HEPH: variants seen among roughly 807,000 people sequenced by gnomAD.
The protein encoded by HEPH is hephaestin.
A neutral mutation model predicts 80.8 loss-of-function variants in HEPH; 69 were observed. The observed-to-expected ratio is 0.85, with a 90% CI of 0.70 to 1.04. The LOEUF (loss-of-function observed/expected upper bound fraction) is 1.04. Ranked by LOEUF, HEPH falls within the 50% of genes least tolerant of loss-of-function variation. The pLI is 0.00. For missense variants in HEPH, 1,115 were observed against 891.3 expected, an observed-to-expected ratio of 1.25 and a Z score of -3.20; for synonymous variants, 431 against 322.8, an observed-to-expected ratio of 1.34 and a Z score of -3.60.
rs191285499 is a variant in HEPH at position 66,204,628 on chromosome X, C to T, written c.2291+1051C>T. ...TCCATCTATCACCTCTGTCTATATA[C>T]ATGCTAAAAGGAAAATATGTTACTA... On this transcript the variant is annotated intron_variant, in intron 13 of 20. Transcript: ENST00000343002. Among the ~76,000 whole-genome samples the T allele has an allele frequency of 5.3e-3, 598 of 111,822 alleles. 6 individuals are homozygous for T. Among genetic ancestry groups the T allele is most frequent in the African/African-American group, 0.019 (570 of 30,800 alleles).
chrX:66,208,965 C>T (rs2088965494), intron 15 of HEPH, among the ~76,000 whole-genome samples: 1 of 109,472 alleles, frequency 9.1e-6, no homozygotes, highest in Non-Finnish European at 1.9e-5. Context: ...TACTAAGCTC[C>T]TAATACTAAA....
chrX:66,221,116 C>A (rs2089627144), intron 15 of HEPH, among the ~76,000 whole-genome samples: 1 of 111,438 alleles, frequency 9.0e-6, no homozygotes, highest in Non-Finnish European at 1.9e-5. Flanking sequence ...TGTGCGTGGA[C>A]CAGTCAGCTT....
chrX:66,200,908 C>G (rs757706671), intron 12 of HEPH, among the ~76,000 whole-genome samples, 156 bp downstream of exon 12: 2 of 111,564 alleles, frequency 1.8e-5, no homozygotes, highest in African/African-American at 6.5e-5. Flanking sequence ...TCAATGTGCT[C>G]TCCATGTTCT....
chrX:66,242,117 T>A (rs187013472), intron 15 of HEPH, among the ~76,000 whole-genome samples: 7 of 108,241 alleles, frequency 6.5e-5, no homozygotes, highest in Non-Finnish European at 9.6e-5. Context: ...AACTTTAAAC[T>A]ATACTACAAG....
downstream of HEPH, chrX:66,267,562 G>A (rs1024146928): frequency 9.0e-6 from 1 of 111,394 alleles, no homozygotes; most frequent in Non-Finnish European, 1.9e-5. Flanking sequence ...AAAGAGTGCT[G>A]GGTACCACCC....
chrX:66,215,810 C>A (rs1053156618), intron 15 of HEPH, among the ~76,000 whole-genome samples: 2 of 111,899 alleles, frequency 1.8e-5, no homozygotes, highest in African/African-American at 6.5e-5. Flanking sequence ...AGTTGTCTTG[C>A]TTTCTCAGTT....
At chrX:66,202,326 A>G (rs1362941969) in intron 12 of HEPH, among the ~76,000 whole-genome samples, 3 of 111,900 alleles carry the variant, frequency 2.7e-5, no homozygotes, top group African/African-American at 9.8e-5. Flanking sequence ...GTGGAACTGG[A>G]TTGGTAGTTT....
At chrX:66,231,072 A>T (rs1431471235) in intron 15 of HEPH, among the ~76,000 whole-genome samples, 1 of 109,156 alleles carries the variant, frequency 9.2e-6, no homozygotes, top group Non-Finnish European at 1.9e-5. Context: ...GGTTTGTCAA[A>T]GATCAGATAG....
At chrX:66,207,844 TTATAGA>T (rs1353515030) in intron 14 of HEPH, among the ~76,000 whole-genome samples, 2 of 111,228 alleles carry the variant, frequency 1.8e-5, no homozygotes, top group African/African-American at 6.6e-5. Context: ...CCTTGGGCTG[TTATAGA>T]TAGAGGGTAG....
At chrX:66,221,572 C>A (rs1180663518) in intron 15 of HEPH, among the ~76,000 whole-genome samples, 1 of 112,659 alleles carries the variant, frequency 8.9e-6, no homozygotes, top group Non-Finnish European at 1.9e-5. Flanking sequence ...GAAACCCTGC[C>A]TAGTTGTTTT....
chrX:66,209,395 G>A (rs1233723881), intron 15 of HEPH, among the ~76,000 whole-genome samples: 2 of 111,990 alleles, frequency 1.8e-5, no homozygotes, highest in Non-Finnish European at 3.8e-5. Context: ...GTAGGTGTGT[G>A]ATGGAGCTCA....
chrX:66,200,818 G>T, intron 12 of HEPH, 66 bp downstream of exon 12: 1 of 892,573 alleles, frequency 1.1e-6, no homozygotes, highest in Non-Finnish European at 1.6e-6. Flanking sequence ...GGGTCGGGAA[G>T]AGGGAGGGAT....
At chrX:66,222,664 A>T (rs1409703558) in intron 15 of HEPH, among the ~76,000 whole-genome samples, 1 of 111,117 alleles carries the variant, frequency 9.0e-6, no homozygotes, top group East Asian at 2.8e-4. Context: ...GGGGAGCAAG[A>T]CTCCTGGTTG....
At position 66,256,198 on chromosome X, in the gene HEPH, G is replaced by A. The variant is rs143217176; in HGVS notation, c.2764G>A (p.Ala922Thr). 7.4e-5 allele frequency: 89 copies of A among 1,209,788 alleles called. No homozygotes were observed. Among genetic ancestry groups the A allele is most frequent in the Non-Finnish European group, 9.8e-5 (88 of 894,744 alleles). ...ACGGAGTGACATGGATCGGGAATTT[G>A]CATTGTTGTTCTTGATTTTTGATGA... ...GGRSDMDREF[A>T]LLFLIFDENK... The change falls in exon 17 of 21, where the codon GCA (alanine) becomes ACA (threonine). Residue 922 changes from alanine to threonine, a missense_variant. Ala to Thr is a moderately conservative substitution (Grantham distance 58, BLOSUM62 0). This residue lies in a region of HEPH where 716 missense variants were observed against 523.5 expected (regional missense o/e 1.37). Transcript: ENST00000343002.
intron 1 of HEPH, among the ~76,000 whole-genome samples, chrX:66,165,977 C>T (rs1334299190): frequency 9.0e-6 from 1 of 110,919 alleles, no homozygotes; most frequent in Non-Finnish European, 1.9e-5. Context: ...GCTTTCACAT[C>T]TTTCATATTA....
At chrX:66,205,624 C>T (rs1295465711) in intron 13 of HEPH, among the ~76,000 whole-genome samples, 1 of 104,658 alleles carries the variant, frequency 9.6e-6, no homozygotes, top group East Asian at 3.0e-4. Flanking sequence ...GAGATAGAGT[C>T]TCAGTCTGTC....
chrX:66,169,259 C>T (rs987285700), intron 1 of HEPH, among the ~76,000 whole-genome samples: 8 of 111,794 alleles, frequency 7.2e-5, no homozygotes, highest in Non-Finnish European at 1.5e-4. Context: ...CATGCACATA[C>T]GATAAATATA....
In HEPH at chrX:66,228,357, C is replaced by T. The variant is rs771220368; in HGVS notation, c.2563+20111C>T. 5.3e-5 allele frequency among the ~76,000 whole-genome samples: 6 copies of T among 112,451 alleles called. No homozygotes were observed. In the South Asian group the frequency reaches 1.1e-3, roughly 21 times the overall value. On this transcript the variant is annotated intron_variant, in intron 15 of 20. Coordinates refer to ENST00000343002, the MANE Select transcript of HEPH (RefSeq NM_001367233.3). ...CGTGTGGAACACAGCAAAACCATAT[C>T]GCTCACCTTATATAAAAATCAACTC...
At chrX:66,207,076 C>A (rs1471045448) in intron 13 of HEPH, 119 bp from the exon 14 acceptor site, 1 of 481,897 alleles carries the variant, frequency 2.1e-6, no homozygotes, top group Non-Finnish European at 3.2e-6. Context: ...TAGGTCCCCC[C>A]CCTTTTTTTT....
Sources: gnomAD v4.1 joint callset for allele counts (sites outside exome capture counted in the v4.1 genomes callset) on GRCh38, gnomAD v4.1.1 for gene constraint, gnomAD v4.1.1 regional missense constraint, MANE v1.5 for transcripts, NCBI Gene and HGNC (gene_info 2026-07-23, HGNC 2026-07-21) for gene names.